Variants in NCAM2 observed in about 807,000 individuals in gnomAD.
The protein encoded by NCAM2 is neural cell adhesion molecule 2, also known as N-CAM-2.
A neutral mutation model predicts 98.1 loss-of-function variants in NCAM2; 30 were observed. The observed-to-expected ratio is 0.31, with a 90% CI of 0.23 to 0.41. The LOEUF (loss-of-function observed/expected upper bound fraction) is 0.41. Among genes scored for constraint, NCAM2 ranks in the 10% least tolerant of loss-of-function variants. The pLI is 1.00. For synonymous variants in NCAM2, 368 were observed against 342.4 expected (o/e 1.07, Z -0.83); for missense variants, 867 against 1,005.8 (o/e 0.86, Z 1.87).
At chr21:21,247,008 A>C (rs775488942) in intron 1 of NCAM2, among the ~76,000 whole-genome samples, 3 of 101,338 alleles carry the variant, frequency 3.0e-5, no homozygotes, top group South Asian at 8.7e-4. Context: ...AGTCTGTCTC[A>C]TAGAGTTTAA....
At chr21:21,455,806 T>C (rs1201149706) in intron 12 of NCAM2, among the ~76,000 whole-genome samples, 2 of 151,946 alleles carry the variant, frequency 1.3e-5, no homozygotes, top group African/African-American at 4.8e-5. Context: ...ACATAAATGT[T>C]TCCAAATATC....
At chr21:21,094,921 A>T (rs2066089920) in intron 1 of NCAM2, among the ~76,000 whole-genome samples, 1 of 151,796 alleles carries the variant, frequency 6.6e-6, no homozygotes, top group Non-Finnish European at 1.5e-5. Flanking sequence ...TAAAAGCATA[A>T]TTGTTGACTT....
Position 21,139,238 on chromosome 21 carries a change from C to T in NCAM2, c.55+140620C>T, listed in dbSNP as rs192090305. ...GAGGCAGCCACAAATCAAGGCTTGG[C>T]GAAGGCCACCAGAAGCTGTAAGAGG... On this transcript the variant is annotated intron_variant, in intron 1 of 17. Transcript: ENST00000400546. Among the ~76,000 whole-genome samples, 731 of 152,268 alleles carry T rather than the reference C, an allele frequency of 4.8e-3. 2 individuals are homozygous for T. Among genetic ancestry groups the T allele is most frequent in the Non-Finnish European group, 7.5e-3 (512 of 68,022 alleles).
chr21:21,323,109 TG>T (rs1568932724), intron 5 of NCAM2, among the ~76,000 whole-genome samples: 1 of 152,172 alleles, frequency 6.6e-6, no homozygotes, highest in Non-Finnish European at 1.5e-5. Context: ...TTGCAACTAA[TG>T]TATAAATAAT....
intron 1 of NCAM2, among the ~76,000 whole-genome samples, chr21:21,166,175 C>G (rs1850500122): frequency 6.6e-6 from 1 of 152,184 alleles, no homozygotes; most frequent in African/African-American, 2.4e-5. Context: ...CCTGGAGCGC[C>G]TTTAAGCATT....
rs1381306209 is a variant in NCAM2 at position 21,263,059 on chromosome 21, C to A, written c.56-17519C>A. On this transcript the variant is annotated intron_variant, in intron 1 of 17. Transcript: ENST00000400546. ...TGGGGACACAGCCAAACCATATTAT[C>A]AAATTATCCCTCTTCTCTGACAACA... Among the ~76,000 whole-genome samples, 4 of 152,038 alleles carry A rather than the reference C, an allele frequency of 2.6e-5. No homozygotes were observed. In the East Asian group the frequency reaches 7.7e-4, roughly 29 times the overall value.
intron 1 of NCAM2, among the ~76,000 whole-genome samples, chr21:21,219,870 A>G (rs2147125984): frequency 6.6e-6 from 1 of 152,250 alleles, no homozygotes; most frequent in East Asian, 1.9e-4. Flanking sequence ...GATAATTCTG[A>G]TTCTGATCTT....
At chr21:21,098,899 A>C (rs1162911593) in intron 1 of NCAM2, among the ~76,000 whole-genome samples, 5 of 151,850 alleles carry the variant, frequency 3.3e-5, no homozygotes, top group Non-Finnish European at 7.4e-5. Context: ...AGCCTGATAA[A>C]GGGAAATTTT....
intron 1 of NCAM2, among the ~76,000 whole-genome samples, chr21:21,202,696 G>A (rs540343595): frequency 3.9e-5 from 6 of 152,194 alleles, no homozygotes; most frequent in South Asian, 2.1e-4. Context: ...GATTACAGGC[G>A]TGAGCCACTG....
chr21:21,351,550 C>A (rs1033414769), intron 8 of NCAM2, among the ~76,000 whole-genome samples: 1 of 152,028 alleles, frequency 6.6e-6, no homozygotes, highest in Non-Finnish European at 1.5e-5. Flanking sequence ...ACATACTAAG[C>A]AATATATTGT....
At chr21:21,365,519 A>T (rs143630115) in intron 8 of NCAM2, among the ~76,000 whole-genome samples, 15 of 152,098 alleles carry the variant, frequency 9.9e-5, no homozygotes, top group Non-Finnish European at 1.3e-4. Flanking sequence ...GCATAAAATT[A>T]AAAAAATCGT....
chr21:21,537,857 T>C lies in NCAM2; in HGVS notation c.2414T>C (p.Leu805Ser), dbSNP rs200849313. Residue 805 changes from leucine (L) to serine (S), a missense_variant, in exon 18 of 18, where the codon TTA becomes TCA. By Grantham distance (145) the Leu-to-Ser change is moderately radical. This residue lies in a region of NCAM2 where 125 missense variants were observed against 116.1 expected (regional missense o/e 1.08). Transcript: ENST00000400546. ...TPLTEPEKLP[L>S]KEEDGKEALN... ...TTTTTATCTTCCAGAAAATTGCCTTTAAAGGAAGAAGATGGGAAAGAAGCT... is the reference window on the plus strand; with the variant it reads ...TTTTTATCTTCCAGAAAATTGCCTTCAAAGGAAGAAGATGGGAAAGAAGCT... The C allele has an allele frequency of 5.2e-6, 8 of 1,540,994 alleles. No homozygotes were observed. Among genetic ancestry groups the C allele is most frequent in the Non-Finnish European group, 8.8e-7 (1 of 1,133,236 alleles).
chr21:21,206,121 G>A (rs1176074471), intron 1 of NCAM2, among the ~76,000 whole-genome samples: 5 of 152,096 alleles, frequency 3.3e-5, no homozygotes, highest in African/African-American at 9.7e-5. Context: ...TAGGTGATTA[G>A]CAAATGTTAA....
intron 1 of NCAM2, among the ~76,000 whole-genome samples, chr21:21,251,575 T>A (rs2071472657): frequency 6.6e-6 from 1 of 152,124 alleles, no homozygotes; most frequent in Non-Finnish European, 1.5e-5. Flanking sequence ...TTTGAGTTGG[T>A]TACAAGACTC....
At chr21:21,283,355 A>G (rs897023087) in intron 2 of NCAM2, among the ~76,000 whole-genome samples, 1 of 151,944 alleles carries the variant, frequency 6.6e-6, no homozygotes, top group Non-Finnish European at 1.5e-5. Flanking sequence ...TCCATAAATG[A>G]TATCTGAAGT....
rs568056235 is a variant in NCAM2, at chr21:21,228,514, G to A, written c.56-52064G>A. Among the ~76,000 whole-genome samples the A allele has an allele frequency of 2.2e-4, 34 of 151,294 alleles. No individual in the cohort carries two copies. In the South Asian group the frequency reaches 5.2e-3, roughly 23 times the overall value. ...TCTCACAATGAAATATTATATACTG[G>A]TGAAGAGGAATGAAGTACCTCTTCA... is the stretch of plus-strand genomic sequence containing the variant. On this transcript the variant is annotated intron_variant, in intron 1 of 17. Coordinates refer to ENST00000400546, the MANE Select transcript of NCAM2 (RefSeq NM_004540.5).
intron 1 of NCAM2, among the ~76,000 whole-genome samples, chr21:21,088,137 A>G (rs2065939883): frequency 6.6e-6 from 1 of 152,244 alleles, no homozygotes; most frequent in Non-Finnish European, 1.5e-5. Context: ...GTATACAATT[A>G]ATAGCTTTCA....
chr21:21,478,123 T>A (rs1017938216), intron 15 of NCAM2, among the ~76,000 whole-genome samples: 1 of 152,138 alleles, frequency 6.6e-6, no homozygotes, highest in African/African-American at 2.4e-5. Flanking sequence ...ATGTTAAAAC[T>A]TTTATTCAGA....
At chr21:21,410,558 TAATAA>T in intron 10 of NCAM2, 97 bp downstream of exon 10, 1 of 600,488 alleles carries the variant, frequency 1.7e-6, no homozygotes, top group Non-Finnish European at 2.5e-6. Context: ...TATATATATA[TAATAA>T]GAGAGAGAAA....
Sources: gnomAD v4.1 joint callset for allele counts (sites outside exome capture counted in the v4.1 genomes callset) on GRCh38, gnomAD v4.1.1 for gene constraint, gnomAD v4.1.1 regional missense constraint, MANE v1.5 for transcripts, NCBI Gene and HGNC (gene_info 2026-07-23, HGNC 2026-07-21) for gene names.